PTTG1: variants seen among roughly 807,000 people sequenced by gnomAD.
PTTG1 encodes PTTG1 regulator of sister chromatid separation, securin, also known as securin.
Under a neutral mutation model 20.0 loss-of-function variants are expected in PTTG1, and 8 were observed. That is an observed-to-expected ratio of 0.40 (90% confidence interval 0.23 to 0.72). The LOEUF is 0.72. Ranked by LOEUF, PTTG1 falls within the 30% of genes least tolerant of loss-of-function variation. PTTG1 has a pLI of 0.38. For missense variants in PTTG1, 197 were observed against 236.0 expected (o/e 0.83, Z 1.08); for synonymous variants, 79 against 87.2 (o/e 0.91, Z 0.52).
chr5:160,424,945 A>T (rs575260725), intron 4 of PTTG1, among the ~76,000 whole-genome samples: 1 of 152,328 alleles, frequency 6.6e-6, no homozygotes, highest in East Asian at 1.9e-4. Flanking sequence ...TGGACAAGTC[A>T]TCTCACTGTG....
In PTTG1 at chr5:160,424,331, G is replaced by T; in HGVS notation, c.370+1G>T. 1 of 1,586,168 alleles carries T rather than the reference G, an allele frequency of 6.3e-7. No homozygotes were observed. Among genetic ancestry groups the T allele is most frequent in the Non-Finnish European group, 8.6e-7 (1 of 1,158,444 alleles). On this transcript the variant is annotated splice_donor_variant, in intron 4 of 5. Transcript: ENST00000352433. LOFTEE classifies it high-confidence loss of function. ...AAATTCTTTCCCTTCAATCCTCTAG[G>T]TAGTATCTTTTGCAATTGCGAAAAG...
At chr5:160,425,792 A>G (rs1316868144) in intron 4 of PTTG1, among the ~76,000 whole-genome samples, 1 of 152,184 alleles carries the variant, frequency 6.6e-6, no homozygotes, top group Non-Finnish European at 1.5e-5. Context: ...ATATCATTCA[A>G]TTCCTTTTTG....
At chr5:160,422,604 T>TG (rs1200697805) in intron 2 of PTTG1, 105 bp from the exon 3 acceptor site, 2 of 1,327,072 alleles carry the variant, frequency 1.5e-6, no homozygotes, top group Non-Finnish European at 2.2e-6. Context: ...CTACCAAAAG[T>TG]GGGGGGTGGG....
chr5:160,423,987 A>G (rs954286189), intron 3 of PTTG1, among the ~76,000 whole-genome samples: 2 of 152,228 alleles, frequency 1.3e-5, no homozygotes, highest in African/African-American at 2.4e-5. Context: ...TGCATTGATT[A>G]GCTCTGAATT....
intron 5 of PTTG1, 69 bp from the exon 6 acceptor site, chr5:160,428,533 T>A (rs750244238): frequency 1.1e-5 from 14 of 1,330,460 alleles, no homozygotes; most frequent in Non-Finnish European, 1.3e-5. Flanking sequence ...TGACAGCTAA[T>A]GTCTATGTTG....
At chr5:160,427,622 C>A in intron 4 of PTTG1, 93 bp from the exon 5 acceptor site, 1 of 1,376,690 alleles carries the variant, frequency 7.3e-7, no homozygotes, top group Non-Finnish European at 9.9e-7. Flanking sequence ...GTTTTGACCT[C>A]ATGGACCCCC....
intron 1 of PTTG1, 37 bp from the exon 2 acceptor site, chr5:160,422,265 C>T: frequency 6.6e-7 from 1 of 1,507,556 alleles, no homozygotes; most frequent in Admixed American, 1.7e-5. Flanking sequence ...GCTTCTCCCA[C>T]CTTCCCCAAT....
At chr5:160,423,256 G>A (rs976875891) in intron 3 of PTTG1, among the ~76,000 whole-genome samples, 3 of 152,238 alleles carry the variant, frequency 2.0e-5, no homozygotes, top group Non-Finnish European at 4.4e-5. Flanking sequence ...GAGAGAGGGT[G>A]CCTTAAGAGG....
At chr5:160,426,321 G>A (rs1007153374) in intron 4 of PTTG1, among the ~76,000 whole-genome samples, 10 of 152,214 alleles carry the variant, frequency 6.6e-5, no homozygotes, top group African/African-American at 2.4e-4. Flanking sequence ...AAGACAACTG[G>A]ATTCTTATCA....
intron 3 of PTTG1, among the ~76,000 whole-genome samples, 168 bp from the exon 4 acceptor site, chr5:160,424,069 C>A (rs918682807): frequency 2.0e-5 from 3 of 152,158 alleles, no homozygotes; most frequent in Non-Finnish European, 2.9e-5. Context: ...TTGAGTCATG[C>A]TACTCGAATT....
At chr5:160,423,159 G>T (rs1185067972) in intron 3 of PTTG1, among the ~76,000 whole-genome samples, 1 of 147,258 alleles carries the variant, frequency 6.8e-6, no homozygotes, top group African/African-American at 2.4e-5. Context: ...GAAACTGGTT[G>T]GTGGTGTCTA....
chr5:160,423,372 G>A (rs1354986835), intron 3 of PTTG1, among the ~76,000 whole-genome samples: 3 of 152,228 alleles, frequency 2.0e-5, no homozygotes, highest in South Asian at 4.1e-4. Flanking sequence ...CTTCGTGTGA[G>A]TGTGAGTCAC....
intron 5 of PTTG1, 59 bp downstream of exon 5, chr5:160,427,932 A>G: frequency 6.3e-7 from 1 of 1,597,712 alleles, no homozygotes; most frequent in Non-Finnish European, 8.6e-7. Flanking sequence ...TAACACTTCC[A>G]TTACCATGGG....
chr5:160,424,271 T>C lies in PTTG1; in HGVS notation c.311T>C (p.Val104Ala). The change falls in exon 4 of 6, where the codon GTT (valine) becomes GCT (alanine). Residue 104 changes from valine (V) to alanine (A), a missense_variant. Transcript: ENST00000352433. ...TEKTVKAKSS[V>A]PASDDAYPEI... is the part of the protein sequence containing the mutation. ...AAGACTGTTAAAGCAAAAAGCTCTG[T>C]TCCTGCCTCAGATGATGCCTATCCA... 6.2e-7 allele frequency: 1 copy of C among 1,612,952 alleles called. No individual in the cohort carries two copies. The highest frequency in any genetic ancestry group is 2.2e-5 in the East Asian group (1 of 44,818).
chr5:160,428,609 G>T lies in PTTG1; in HGVS notation c.537G>T (p.Leu179Phe), dbSNP rs1765854041. 8.7e-6 allele frequency: 14 copies of T among 1,613,678 alleles called. No homozygotes were observed. In the African/African-American group the frequency reaches 9.3e-5, roughly 11 times the overall value. ...MPSPPWESNL[L>F]QSPSSILSTL... ...GAGATTCCTGTTTTCTAGATCTGTT[G>T]CAGTCTCCTTCAAGCATTCTGTCGA... Residue 179 changes from leucine (L) to phenylalanine (F), a missense_variant, in exon 6 of 6, where the codon TTG (leucine) becomes TTT (phenylalanine). Physicochemically the swap from Leu to Phe is conservative, Grantham distance 22. Transcript: ENST00000352433.
At chr5:160,423,807 C>T (rs181181216) in intron 3 of PTTG1, among the ~76,000 whole-genome samples, 1 of 152,340 alleles carries the variant, frequency 6.6e-6, no homozygotes, top group East Asian at 1.9e-4. Context: ...GCCTCTTACT[C>T]AGTGTGTGTA....
intron 1 of PTTG1, 61 bp from the exon 2 acceptor site, chr5:160,422,241 G>A (rs1477288453): frequency 1.6e-6 from 2 of 1,247,742 alleles, no homozygotes; most frequent in Non-Finnish European, 2.4e-6. Context: ...AGTTTGGTAT[G>A]TTGCTATACC....
rs1489980884 is a variant in PTTG1 at position 160,427,662 on chromosome 5, C to T, written c.371-53C>T. On this transcript the variant is annotated intron_variant, in intron 4 of 5. Transcript: ENST00000352433. ...AGGGTCTCAGACCACAAGGGATCTA[C>T]AGCCCACACTAAGAACTGCTGCCCT... 7.6e-6 allele frequency: 12 copies of T among 1,580,878 alleles called. No homozygotes were observed. The Admixed American group carries it at 1.9e-4, about 25-fold the overall frequency.
Position 160,424,335 on chromosome 5 carries a change from T to C in PTTG1, c.370+5T>C. 6.3e-7 allele frequency: 1 copy of C among 1,578,752 alleles called. No individual in the cohort carries two copies. The highest frequency in any genetic ancestry group is 8.7e-7 in the Non-Finnish European group (1 of 1,151,916). ...TCTTTCCCTTCAATCCTCTAGGTAG[T>C]ATCTTTTGCAATTGCGAAAAGTGCT... On this transcript the variant is annotated splice_donor_5th_base_variant and intron_variant, in intron 4 of 5. Coordinates refer to ENST00000352433, the MANE Select transcript of PTTG1 (RefSeq NM_004219.4).
Sources: gnomAD v4.1 joint callset for allele counts (sites outside exome capture counted in the v4.1 genomes callset) on GRCh38, gnomAD v4.1.1 for gene constraint, MANE v1.5 for transcripts, NCBI Gene and HGNC (gene_info 2026-07-23, HGNC 2026-07-21) for gene names.